Variants in KCNT2 observed in about 807,000 individuals in gnomAD.
The protein encoded by KCNT2 is potassium channel subfamily T member 2.
In KCNT2, 67 loss-of-function variants were observed where a neutral mutation model predicts 153.8. That is an observed-to-expected ratio of 0.44 (90% CI 0.36 to 0.53). The LOEUF is 0.53. Ranked by LOEUF, KCNT2 falls within the 20% of genes least tolerant of loss-of-function variation. The pLI is 0.00. For missense variants in KCNT2, 975 were observed against 1,354.8 expected (o/e 0.72, Z 4.40); for synonymous variants, 500 against 458.8 (o/e 1.09, Z -1.15).
chr1:196,340,682 T>C, intron 15 of KCNT2, 112 bp from the exon 16 acceptor site: 1 of 658,742 alleles, frequency 1.5e-6, no homozygotes. Context: ...ATCCTAGAAG[T>C]TCAAGATCCT....
chr1:196,588,781 TACTA>T (rs932164722), intron 1 of KCNT2, among the ~76,000 whole-genome samples: 21 of 14,614 alleles, frequency 1.4e-3, no homozygotes, highest in African/African-American at 1.5e-3. Context: ...ATACATAGAC[TACTA>T]ACTGTGTATA....
chr1:196,446,943 A>G (rs1675739074), intron 8 of KCNT2, among the ~76,000 whole-genome samples: 1 of 151,502 alleles, frequency 6.6e-6, no homozygotes, highest in African/African-American at 2.4e-5. Flanking sequence ...ATGTAGATCT[A>G]TAAAGTTTTG....
chr1:196,486,138 T>C (rs1359673183), intron 3 of KCNT2, among the ~76,000 whole-genome samples: 3 of 152,106 alleles, frequency 2.0e-5, no homozygotes, highest in Non-Finnish European at 2.9e-5. Flanking sequence ...GTATATGTTA[T>C]CTATATGTCT....
At chr1:196,287,874 A>G (rs768204182) in intron 22 of KCNT2, among the ~76,000 whole-genome samples, 1 of 152,116 alleles carries the variant, frequency 6.6e-6, no homozygotes, top group Non-Finnish European at 1.5e-5. Context: ...CCTTGTCTGC[A>G]AGAACTTACA....
At chr1:196,342,257 C>T (rs372193894) in intron 14 of KCNT2, 29 bp from the exon 15 acceptor site, 2 of 1,576,132 alleles carry the variant, frequency 1.3e-6, no homozygotes, top group Non-Finnish European at 8.6e-7. Flanking sequence ...CACATACACA[C>T]ACACAAAAAG....
chr1:196,351,426 T>C (rs532234645), intron 14 of KCNT2, among the ~76,000 whole-genome samples: 33 of 152,234 alleles, frequency 2.2e-4, no homozygotes, highest in African/African-American at 7.7e-4. Context: ...TCACGTCCCT[T>C]GTAAGTTGGA....
At chr1:196,470,508 A>G (rs769850177) in intron 5 of KCNT2, among the ~76,000 whole-genome samples, 4 of 152,166 alleles carry the variant, frequency 2.6e-5, no homozygotes, top group African/African-American at 9.7e-5. Context: ...TGAGAAGCCC[A>G]AGGTCTGTGT....
intron 16 of KCNT2, among the ~76,000 whole-genome samples, chr1:196,338,757 G>A (rs1049564523): frequency 6.6e-6 from 1 of 151,850 alleles, no homozygotes; most frequent in Non-Finnish European, 1.5e-5. Context: ...AGTTCAGGGA[G>A]AGAAGGATGG....
chr1:196,489,586 C>T (rs1679702345), intron 3 of KCNT2, among the ~76,000 whole-genome samples: 1 of 151,860 alleles, frequency 6.6e-6, no homozygotes, highest in Non-Finnish European at 1.5e-5. Context: ...ACTTAATGCA[C>T]TTTGGCTAGC....
At chr1:196,498,763 A>G (rs937429064) in intron 1 of KCNT2, among the ~76,000 whole-genome samples, 3 of 152,186 alleles carry the variant, frequency 2.0e-5, no homozygotes, top group African/African-American at 7.2e-5. Flanking sequence ...GAGAAAGCAT[A>G]CTGCCAAGGT....
intron 8 of KCNT2, among the ~76,000 whole-genome samples, chr1:196,460,532 G>A (rs1677057291): frequency 6.6e-6 from 1 of 151,580 alleles, no homozygotes; most frequent in Non-Finnish European, 1.5e-5. Flanking sequence ...TGGTAAGAAA[G>A]GCAAATTGAG....
chr1:196,440,625 T>G (rs1281922077), intron 8 of KCNT2, among the ~76,000 whole-genome samples: 1 of 151,986 alleles, frequency 6.6e-6, no homozygotes, highest in Non-Finnish European at 1.5e-5. Context: ...ACTTTTATCT[T>G]TGTCTATGAT....
At chr1:196,606,660 A>T (rs1282831543) in intron 1 of KCNT2, among the ~76,000 whole-genome samples, 2 of 152,156 alleles carry the variant, frequency 1.3e-5, no homozygotes, top group African/African-American at 4.8e-5. Context: ...TATGATATTT[A>T]AAACAAACAA....
chr1:196,318,969 G>A (rs1343915895), intron 20 of KCNT2, among the ~76,000 whole-genome samples: 1 of 151,334 alleles, frequency 6.6e-6, no homozygotes, highest in Non-Finnish European at 1.5e-5. Flanking sequence ...ATAAGAATTT[G>A]TATTTAATTA....
chr1:196,253,737 A>T (rs942820159), intron 26 of KCNT2, among the ~76,000 whole-genome samples: 6 of 151,548 alleles, frequency 4.0e-5, no homozygotes, highest in African/African-American at 1.4e-4. Context: ...GTTGTTTTAC[A>T]GCATTTAGAA....
intron 22 of KCNT2, among the ~76,000 whole-genome samples, chr1:196,304,147 A>G (rs1661423364): frequency 6.6e-6 from 1 of 152,128 alleles, no homozygotes; most frequent in African/African-American, 2.4e-5. Flanking sequence ...GTAAGGCTCT[A>G]TAAACATCAC....
intron 1 of KCNT2, among the ~76,000 whole-genome samples, chr1:196,495,877 A>T (rs1182612686): frequency 1.3e-5 from 2 of 152,122 alleles, no homozygotes; most frequent in Non-Finnish European, 2.9e-5. Context: ...CTTGCTATTT[A>T]ATAGTTATTT....
intron 14 of KCNT2, among the ~76,000 whole-genome samples, chr1:196,355,921 C>T (rs1667136373): frequency 6.6e-6 from 1 of 151,730 alleles, no homozygotes; most frequent in African/African-American, 2.4e-5. Flanking sequence ...TAGTGAATAC[C>T]ATATGCTTCG....
intron 23 of KCNT2, among the ~76,000 whole-genome samples, chr1:196,285,427 G>A (rs1459275605): frequency 6.6e-6 from 1 of 152,084 alleles, no homozygotes; most frequent in Admixed American, 6.6e-5. Flanking sequence ...TGGTACAAAA[G>A]AATGCCTGAA....
Sources: allele counts gnomAD v4.1 joint callset (sites outside exome capture counted in the v4.1 genomes callset), GRCh38; gene constraint gnomAD v4.1.1; transcripts MANE v1.5; gene names NCBI Gene and HGNC (gene_info 2026-07-23, HGNC 2026-07-21).